The following NHLRC3 variants were observed in gnomAD, a reference collection of about 807,000 sequenced individuals.
NHLRC3 encodes NHL repeat-containing protein 3.
Under a neutral mutation model 32.0 loss-of-function variants are expected in NHLRC3, and 23 were observed. The observed-to-expected ratio is 0.72, with a 90% CI of 0.52 to 1.02. NHLRC3 has a LOEUF of 1.02. NHLRC3 is among the 50% of genes least tolerant of loss of function. NHLRC3 has a pLI of 0.00. For missense variants in NHLRC3, 407 were observed against 406.8 expected, an observed-to-expected ratio of 1.00 and a Z score of -0.01; for synonymous variants, 159 against 147.9, an observed-to-expected ratio of 1.08 and a Z score of -0.55.
intron 6 of NHLRC3, among the ~76,000 whole-genome samples, 167 bp downstream of exon 6, chr13:39,047,319 A>C (rs1400147623): frequency 3.3e-5 from 5 of 152,230 alleles, no homozygotes; most frequent in Admixed American, 6.5e-5. Context: ...ATGCCAGGTA[A>C]AGTGAAAACA....
Position 39,047,066 on chromosome 13 carries a change from A to AGGG in NHLRC3, c.705_706insGGG (p.Lys235_Arg236insGly). ...TGTGGGTTGCTGACCGAGGAAATAA[A>AGGG]AGAATCCAAGTATTTGATAAAGACA... is the stretch of plus-strand genomic sequence containing the variant. On this transcript the variant is annotated inframe_insertion, in exon 6 of 7. Coordinates refer to ENST00000379600, the MANE Select transcript of NHLRC3 (RefSeq NM_001012754.4). 1 of 1,612,894 alleles carries AGGG rather than the reference A, an allele frequency of 6.2e-7. No homozygotes were observed. Among genetic ancestry groups the AGGG allele is most frequent in the Non-Finnish European group, 8.5e-7 (1 of 1,179,184 alleles).
chr13:39,039,742 T>C (rs1871381355), intron 3 of NHLRC3, 31 bp downstream of exon 3: 2 of 1,520,888 alleles, frequency 1.3e-6, no homozygotes, highest in Admixed American at 1.8e-5. Flanking sequence ...TAAATTATCT[T>C]ACTGGAAATC....
chr13:39,038,532 G>C lies in NHLRC3; in HGVS notation c.-108G>C, dbSNP rs1282584644. The C allele has an allele frequency of 1.6e-5, 14 of 897,040 alleles. No homozygotes were observed. The highest frequency in any genetic ancestry group is 5.5e-5 in the Admixed American group (3 of 54,462). The allele number at this position is 897,040 out of a possible 1,614,324, so 55.6% of individuals were successfully genotyped here. ...AGGGGAAACCGGAGATAGGGTCTTC[G>C]GGCCCCGGGCAGACCCTCTGTGCCG... is the stretch of plus-strand genomic sequence containing the variant. On this transcript the variant is annotated 5_prime_UTR_variant, in exon 1 of 7. Coordinates refer to ENST00000379600, the MANE Select transcript of NHLRC3 (RefSeq NM_001012754.4).
rs1242708560 is a variant in NHLRC3 at position 39,047,082 on chromosome 13, G to GA, written c.722dup (p.Asp241GlufsTer2). The GA allele has an allele frequency of 6.2e-7, 1 of 1,613,186 alleles. No homozygotes were observed. The highest frequency in any genetic ancestry group is 1.3e-5 in the African/African-American group (1 of 74,870). ...AGGAAATAAAAGAATCCAAGTATTT[G>GA]ATAAAGACACTGGGGAGTGGTTAGG... On this transcript the variant is annotated frameshift_variant, in exon 6 of 7. Coordinates refer to ENST00000379600, the MANE Select transcript of NHLRC3 (RefSeq NM_001012754.4). LOFTEE classifies it high-confidence loss of function.
intron 4 of NHLRC3, among the ~76,000 whole-genome samples, chr13:39,043,885 A>C (rs748557428): frequency 2.6e-5 from 4 of 152,172 alleles, no homozygotes; most frequent in African/African-American, 7.2e-5. Context: ...AAAGAAGTAG[A>C]TTAATTCCCT....
Position 39,042,217 on chromosome 13 carries a change from A to G in NHLRC3, c.498A>G (p.Pro166=). The G allele has an allele frequency of 6.2e-7, 1 of 1,611,390 alleles. No individual in the cohort carries two copies. Among genetic ancestry groups the G allele is most frequent in the Non-Finnish European group, 8.5e-7 (1 of 1,177,590 alleles). ...TGAATCCTTTGCAGTTTGATAACCC[A>G]GCAGAATTATATGTAGAGGACACAG... ...TSLNPLQFDN[P]AELYVEDTGD... Residue 166 remains proline (P), a synonymous_variant, in exon 4 of 7, where the codon CCA becomes CCG. Coordinates refer to ENST00000379600, the MANE Select transcript of NHLRC3 (RefSeq NM_001012754.4).
chr13:39,039,086 G>GTTT, intron 1 of NHLRC3, 50 bp from the exon 2 acceptor site: 18 of 387,954 alleles, frequency 4.6e-5, no homozygotes, highest in Admixed American at 1.6e-4. Context: ...CCCTTTTTTT[G>GTTT]TTCTTACCTA....
In NHLRC3 at chr13:39,048,620, C is replaced by G. The variant is rs1194413431; in HGVS notation, c.*694C>G. ...TTACCAAGGGACAAGGAGGAGAAAACAATAATTTCCAAGTAAAGAAGGTAT... is the reference window on the plus strand; with the variant it reads ...TTACCAAGGGACAAGGAGGAGAAAAGAATAATTTCCAAGTAAAGAAGGTAT... On this transcript the variant is annotated 3_prime_UTR_variant, in exon 7 of 7. Transcript: ENST00000379600. 6.6e-6 allele frequency: 1 copy of G among 152,100 alleles called. No individual in the cohort carries two copies. Among genetic ancestry groups the G allele is most frequent in the African/African-American group, 2.4e-5 (1 of 41,418 alleles). 9.4% of individuals were successfully genotyped at this position (152,100 alleles called of 1,614,324 possible).
In NHLRC3 at chr13:39,049,571, T is replaced by C. The variant is rs1269723606; in HGVS notation, c.*1645T>C. 1 of 152,348 alleles carries C rather than the reference T, an allele frequency of 6.6e-6. No homozygotes were observed. The highest frequency in any genetic ancestry group is 1.9e-4 in the East Asian group (1 of 5,192). The allele number at this position is 152,348 out of a possible 1,614,324, so 9.4% of individuals were successfully genotyped here. On this transcript the variant is annotated 3_prime_UTR_variant, in exon 7 of 7. Transcript: ENST00000379600. ...TCTAAATGTGCTATTTATTTGACAA[T>C]AACTATCAGATTTGCCTTAATTTTG... is the stretch of plus-strand genomic sequence containing the variant.
At chr13:39,047,534 A>G in intron 6 of NHLRC3, 140 bp from the exon 7 acceptor site, 2 of 637,808 alleles carry the variant, frequency 3.1e-6, no homozygotes, top group Non-Finnish European at 5.3e-6. Context: ...AATTAGATCA[A>G]ATTAAAATTC....
Position 39,048,274 on chromosome 13 carries a change from T to A in NHLRC3, c.*348T>A. On this transcript the variant is annotated 3_prime_UTR_variant, in exon 7 of 7. Transcript: ENST00000379600. ...GCATGATAATTTATTAAATTTCATGTGAAGAACTCCAGACCTCCAGATTGT... is the reference window on the plus strand; with the variant it reads ...GCATGATAATTTATTAAATTTCATGAGAAGAACTCCAGACCTCCAGATTGT... 1 of 173,776 alleles carries A rather than the reference T, an allele frequency of 5.8e-6. No homozygotes were observed. The highest frequency in any genetic ancestry group is 1.5e-4 in the East Asian group (1 of 6,836). The allele number at this position is 173,776 out of a possible 1,614,324, so 10.8% of individuals were successfully genotyped here.
intron 3 of NHLRC3, chr13:39,041,042 A>G (rs1054500985): frequency 6.6e-6 from 1 of 152,234 alleles, no homozygotes; most frequent in Non-Finnish European, 1.5e-5. Context: ...TTTAAAAATA[A>G]GACTTCCTTG....
chr13:39,038,585 C>A lies in NHLRC3; in HGVS notation c.-55C>A. ...GCAAACCGTTGCAGCCTGAGGCTGT[C>A]AGGTCCTCCCCCAGACACCTGCGGA... is the stretch of plus-strand genomic sequence containing the variant. On this transcript the variant is annotated 5_prime_UTR_variant, in exon 1 of 7. Coordinates refer to ENST00000379600, the MANE Select transcript of NHLRC3 (RefSeq NM_001012754.4). The A allele has an allele frequency of 2.7e-6, 4 of 1,470,994 alleles. No homozygotes were observed. In the South Asian group the frequency reaches 4.5e-5, roughly 17 times the overall value. 91.1% of individuals were successfully genotyped at this position (1,470,994 alleles called of 1,614,324 possible).
intron 5 of NHLRC3, among the ~76,000 whole-genome samples, chr13:39,044,912 A>G (rs1023453974): frequency 2.6e-5 from 4 of 152,108 alleles, no homozygotes; most frequent in Admixed American, 6.5e-5. Context: ...TATTATAATC[A>G]TTTGTCTGTC....
intron 2 of NHLRC3, 63 bp from the exon 3 acceptor site, chr13:39,039,501 C>A: frequency 7.1e-7 from 1 of 1,405,234 alleles, no homozygotes; most frequent in Non-Finnish European, 9.8e-7. Flanking sequence ...TTTTTCTTCG[C>A]CAAGATACAG....
intron 5 of NHLRC3, among the ~76,000 whole-genome samples, chr13:39,045,139 G>C (rs1566034140): frequency 1.3e-5 from 2 of 152,030 alleles, no homozygotes. Context: ...ATTATGACTT[G>C]GCTTCCTAAT....
At position 39,049,605 on chromosome 13, in the gene NHLRC3, G is replaced by A. The variant is rs1206732229; in HGVS notation, c.*1679G>A. 6.6e-6 allele frequency: 1 copy of A among 152,188 alleles called. No homozygotes were observed. Among genetic ancestry groups the A allele is most frequent in the Non-Finnish European group, 1.5e-5 (1 of 68,032 alleles). 9.4% of individuals were successfully genotyped at this position (152,188 alleles called of 1,614,324 possible). ...GATTTGCCTTAATTTTGTGTTTATAGCATTTATCAAAACGTATCCTCATAG... is the reference window on the plus strand; with the variant it reads ...GATTTGCCTTAATTTTGTGTTTATAACATTTATCAAAACGTATCCTCATAG... On this transcript the variant is annotated 3_prime_UTR_variant, in exon 7 of 7. Transcript: ENST00000379600.
At position 39,039,269 on chromosome 13, in the gene NHLRC3, G is replaced by C. The variant is rs572098997; in HGVS notation, c.218G>C (p.Gly73Ala). The change falls in exon 2 of 7, where the codon GGA becomes GCA. Residue 73 changes from glycine to alanine, a missense_variant. Coordinates refer to ENST00000379600, the MANE Select transcript of NHLRC3 (RefSeq NM_001012754.4). ...TGTGTTGCAGTTGACTCCCTCAATG[G>C]ATTGGTTTACATAGGTCAAGTAAGT... ...TFCVAVDSLN[G>A]LVYIGQRGDN... 4.7e-5 allele frequency: 76 copies of C among 1,613,968 alleles called. No homozygotes were observed. The highest frequency in any genetic ancestry group is 3.3e-4 in the Middle Eastern group (2 of 6,062).
Position 39,039,119 on chromosome 13 carries a change from G to A in NHLRC3, c.85-17G>A. 1.5e-6 allele frequency: 2 copies of A among 1,290,606 alleles called. No homozygotes were observed. The highest frequency in any genetic ancestry group is 1.2e-5 in the South Asian group (1 of 81,732). The allele number at this position is 1,290,606 out of a possible 1,614,324, so 79.9% of individuals were successfully genotyped here. ...CTAGACGGTAAACTAAATCTGAATTGTCTGATTTTGTTTAAGGTTTTGAGG... is the reference window on the plus strand; with the variant it reads ...CTAGACGGTAAACTAAATCTGAATTATCTGATTTTGTTTAAGGTTTTGAGG... On this transcript the variant is annotated splice_polypyrimidine_tract_variant and intron_variant, in intron 1 of 6. Transcript: ENST00000379600.
Sources: allele counts gnomAD v4.1 joint callset (sites outside exome capture counted in the v4.1 genomes callset), GRCh38; gene constraint gnomAD v4.1.1; transcripts MANE v1.5; gene names NCBI Gene and HGNC (gene_info 2026-07-23, HGNC 2026-07-21).